CELF2: variants seen among roughly 807,000 people sequenced by gnomAD.
CELF2 encodes the protein CUG triplet repeat RNA-binding protein 2.
Under a neutral mutation model 62.6 loss-of-function variants are expected in CELF2, and 8 were observed. The ratio of observed to expected loss-of-function variants is 0.13; its 90% CI spans 0.07 to 0.23. The LOEUF is 0.23. Among genes scored for constraint, CELF2 ranks in the 10% least tolerant of loss-of-function variants. The pLI is 1.00. For synonymous variants in CELF2, 258 were observed against 250.0 expected (o/e 1.03, Z -0.30); for missense variants, 333 against 671.0 (o/e 0.50, Z 5.56).
At chr10:11,064,578 A>G (rs1012092343) in intron 1 of CELF2, among the ~76,000 whole-genome samples, 1 of 152,174 alleles carries the variant, frequency 6.6e-6, no homozygotes, top group African/African-American at 2.4e-5. Context: ...TAAGAGTGAA[A>G]GATTTAAAAT....
At chr10:10,764,984 C>T in the CELF2 span, among the ~76,000 whole-genome samples, 7 of 152,218 alleles carry the variant, frequency 4.6e-5, no homozygotes, top group East Asian at 1.9e-4. Flanking sequence ...CCCAGGAAAG[C>T]GGGATTAAGG....
intron 1 of CELF2, among the ~76,000 whole-genome samples, chr10:11,108,412 C>A (rs953933306): frequency 3.3e-5 from 5 of 151,254 alleles, no homozygotes; most frequent in Non-Finnish European, 5.9e-5. Flanking sequence ...AGGTGTGCAT[C>A]TTACTCCTTG....
chr10:10,736,837 G>A, the CELF2 span, among the ~76,000 whole-genome samples: 5 of 151,964 alleles, frequency 3.3e-5, no homozygotes, highest in Admixed American at 6.6e-5. Context: ...TATAAATATC[G>A]ATTGTTTGGA....
the CELF2 span, among the ~76,000 whole-genome samples, chr10:10,676,719 A>G: frequency 6.6e-6 from 1 of 152,022 alleles, no homozygotes; most frequent in East Asian, 1.9e-4. Flanking sequence ...GTGTCTGCCT[A>G]TGATGTGTTT....
intron 1 of CELF2, among the ~76,000 whole-genome samples, chr10:10,816,839 T>G (rs918981441): frequency 6.6e-6 from 1 of 152,232 alleles, no homozygotes; most frequent in African/African-American, 2.4e-5. Context: ...AAAAGACAGC[T>G]TGTAGCCATA....
chr10:10,873,807 T>C (rs1832957383), intron 1 of CELF2, among the ~76,000 whole-genome samples: 2 of 152,224 alleles, frequency 1.3e-5, no homozygotes, highest in African/African-American at 2.4e-5. Flanking sequence ...ATCCTCCTTG[T>C]CGGTTTCCAG....
At chr10:10,952,268 C>T (rs1254215275) in intron 2 of CELF2, 7 of 152,238 alleles carry the variant, frequency 4.6e-5, no homozygotes, top group Admixed American at 4.6e-4. Flanking sequence ...AAGTTCCGCA[C>T]CCATGATGCA....
At chr10:11,289,548 A>G (rs1405894141) in intron 9 of CELF2, among the ~76,000 whole-genome samples, 2 of 152,196 alleles carry the variant, frequency 1.3e-5, no homozygotes, top group East Asian at 3.9e-4. Flanking sequence ...TGTGTATCTA[A>G]GACATTTCAC....
At chr10:10,704,851 T>C in the CELF2 span, among the ~76,000 whole-genome samples, 7 of 151,642 alleles carry the variant, frequency 4.6e-5, no homozygotes, top group African/African-American at 1.7e-4. Context: ...ACCCACCCCA[T>C]CCCCAGATCA....
intron 1 of CELF2, among the ~76,000 whole-genome samples, chr10:10,799,002 G>A (rs1408211559): frequency 2.0e-5 from 3 of 152,314 alleles, no homozygotes; most frequent in South Asian, 4.1e-4. Flanking sequence ...GCCTGTGAAC[G>A]TGAGGTCCTC....
chr10:10,717,765 A>G, the CELF2 span, among the ~76,000 whole-genome samples: 5 of 152,188 alleles, frequency 3.3e-5, no homozygotes, highest in East Asian at 9.6e-4. Context: ...GTGATGTTCT[A>G]CTTGATCCAG....
intron 1 of CELF2, among the ~76,000 whole-genome samples, chr10:10,907,161 A>T (rs917216492): frequency 6.6e-6 from 1 of 152,200 alleles, no homozygotes; most frequent in Non-Finnish European, 1.5e-5. Context: ...AAGGGAAAAA[A>T]TTCGTACAGC....
Position 11,012,137 on chromosome 10 carries a change from A to G in CELF2, c.53+6697A>G, listed in dbSNP as rs1029119049. On this transcript the variant is annotated intron_variant, in intron 1 of 12. Transcript: ENST00000416382. The surrounding 1 kb of genome is among the most constrained non-coding windows in gnomAD (Gnocchi z 5.5). ...AATGACTCATTCCCATTGTCAATCA[A>G]CTCTTTGACAGAATGAAATGCTGAA... Among the ~76,000 whole-genome samples the G allele has an allele frequency of 6.6e-6, 1 of 152,084 alleles. No homozygotes were observed. Among genetic ancestry groups the G allele is most frequent in the African/African-American group, 2.4e-5 (1 of 41,408 alleles).
intron 1 of CELF2, among the ~76,000 whole-genome samples, chr10:11,041,177 A>G (rs1198012652): frequency 6.6e-6 from 1 of 152,212 alleles, no homozygotes; most frequent in South Asian, 2.1e-4. Context: ...CACTAATTCC[A>G]TCACGGGAGC....
At chr10:10,619,378 A>G in the CELF2 span, among the ~76,000 whole-genome samples, 3,957 of 152,322 alleles carry the variant, frequency 0.026, 139 homozygotes, top group Admixed American at 0.083. Flanking sequence ...ATTAGAGGCT[A>G]TGGAAAAACC....
At chr10:10,554,554 C>T in the CELF2 span, among the ~76,000 whole-genome samples, 4 of 152,200 alleles carry the variant, frequency 2.6e-5, no homozygotes, top group African/African-American at 4.8e-5. Context: ...TGCAGCAGCT[C>T]TGTCCTCTGT....
rs924413645 is a variant in CELF2, at chr10:11,315,753, G to T, written c.1096+1495G>T. Among the ~76,000 whole-genome samples, 1 of 152,186 alleles carries T rather than the reference G, an allele frequency of 6.6e-6. No homozygotes were observed. Among genetic ancestry groups the T allele is most frequent in the African/African-American group, 2.4e-5 (1 of 41,442 alleles). ...ACCGCCTCCAGCTTTGACTTTTCCA[G>T]CAGCCAAGTAGGAGCCTCACTGCCT... On this transcript the variant is annotated intron_variant, in intron 10 of 12. Coordinates refer to ENST00000633077, the MANE Select transcript of CELF2 (RefSeq NM_001326342.2). This position sits in a 1 kb window ranked among gnomAD's most constrained non-coding sequence, Gnocchi z 5.8.
At chr10:10,979,070 C>T (rs1211680267) in intron 2 of CELF2, among the ~76,000 whole-genome samples, 1 of 152,184 alleles carries the variant, frequency 6.6e-6, no homozygotes, top group Non-Finnish European at 1.5e-5. Flanking sequence ...AATTCCACCC[C>T]TGCCTCTCAT....
rs550105449 is a variant in CELF2 at position 10,832,415 on chromosome 10, TC to T, written c.53+33601del. On this transcript the variant is annotated intron_variant, in intron 1 of 13. Coordinates refer to the CELF2 transcript ENST00000636488. ...AATATACCCAGGGCCTTTCCAAAGATCCCAGATATAGAGACAAGTAGGATCA... is the reference window on the plus strand; with the variant it reads ...AATATACCCAGGGCCTTTCCAAAGATCCAGATATAGAGACAAGTAGGATCA... 8.5e-4 allele frequency among the ~76,000 whole-genome samples: 130 copies of T among 152,256 alleles called. 5 individuals are homozygous for T. In the South Asian group the frequency reaches 0.026, roughly 31 times the overall value.
Sources: gnomAD v4.1 joint callset for allele counts (sites outside exome capture counted in the v4.1 genomes callset) on GRCh38, gnomAD v4.1.1 for gene constraint, Gnocchi (gnomAD v3.1) non-coding constraint, MANE v1.5 for transcripts, NCBI Gene and HGNC (gene_info 2026-07-23, HGNC 2026-07-21) for gene names.